The following DLC1 variants were observed in gnomAD, a reference collection of about 807,000 sequenced individuals.
The protein encoded by DLC1 is rho GTPase-activating protein 7.
DLC1 carries 54 observed loss-of-function variants against 140.3 expected under a neutral mutation model. That is an observed-to-expected ratio of 0.38 (90% CI 0.31 to 0.48). The LOEUF (loss-of-function observed/expected upper bound fraction) is 0.48. DLC1 is among the 20% of genes least tolerant of loss of function. The pLI is 0.96. For missense variants in DLC1, 2,536 were observed against 1,907.0 expected (o/e 1.33, Z -6.14); for synonymous variants, 986 against 728.1 (o/e 1.35, Z -5.70).
At chr8:13,325,430 C>A (rs543280620) in intron 4 of DLC1, among the ~76,000 whole-genome samples, 8 of 151,980 alleles carry the variant, frequency 5.3e-5, no homozygotes, top group African/African-American at 1.9e-4. Context: ...TAAACATGTT[C>A]TGGGACAATA....
chr8:13,200,737 T>G (rs897809009), intron 5 of DLC1, among the ~76,000 whole-genome samples: 2 of 152,006 alleles, frequency 1.3e-5, no homozygotes, highest in African/African-American at 4.8e-5. Flanking sequence ...CCTGAGTAGG[T>G]GGGACGACAG....
chr8:13,320,010 A>C (rs1833028348), intron 4 of DLC1, among the ~76,000 whole-genome samples: 1 of 151,598 alleles, frequency 6.6e-6, no homozygotes, highest in Non-Finnish European at 1.5e-5. Context: ...TTTTAATAGA[A>C]ATGGGGTTTC....
At chr8:13,168,823 T>G (rs1006417463) in intron 5 of DLC1, among the ~76,000 whole-genome samples, 7 of 152,222 alleles carry the variant, frequency 4.6e-5, no homozygotes, top group Admixed American at 1.3e-4. Flanking sequence ...TCTATCTGTG[T>G]TCCTAAAACG....
At chr8:13,181,512 G>A (rs1826035206) in intron 5 of DLC1, among the ~76,000 whole-genome samples, 1 of 142,274 alleles carries the variant, frequency 7.0e-6, no homozygotes, top group Non-Finnish European at 1.5e-5. Context: ...TCCGGTCCCG[G>A]TGTGTGATGT....
At chr8:13,583,471 C>A (rs1292413080) in intron 1 of DLC1, among the ~76,000 whole-genome samples, 7 of 152,152 alleles carry the variant, frequency 4.6e-5, no homozygotes, top group Non-Finnish European at 1.0e-4. Flanking sequence ...AATTCTAGTT[C>A]TCTTGCTATT....
At chr8:13,428,782 G>T (rs1423473518) in intron 2 of DLC1, among the ~76,000 whole-genome samples, 2 of 152,114 alleles carry the variant, frequency 1.3e-5, no homozygotes, top group Admixed American at 1.3e-4. Flanking sequence ...TGACTCCTTT[G>T]TGTTTTTCTC....
intron 4 of DLC1, among the ~76,000 whole-genome samples, chr8:13,335,680 A>G (rs566169607): frequency 6.6e-6 from 1 of 152,210 alleles, no homozygotes; most frequent in South Asian, 2.1e-4. Flanking sequence ...AGGATAATGT[A>G]TATTACATAT....
intron 7 of DLC1, among the ~76,000 whole-genome samples, chr8:13,110,021 GC>G (rs1170983015): frequency 1.3e-5 from 2 of 152,110 alleles, no homozygotes; most frequent in Admixed American, 6.5e-5. Flanking sequence ...CCAGAATTCA[GC>G]TTTTAGGGAT....
intron 5 of DLC1, among the ~76,000 whole-genome samples, chr8:13,300,394 G>A (rs898356084): frequency 2.6e-5 from 4 of 152,134 alleles, no homozygotes; most frequent in Admixed American, 6.5e-5. Flanking sequence ...GTTTACCTAC[G>A]TAACAAATTT....
At chr8:13,393,488 C>T in intron 4 of DLC1, 65 bp downstream of exon 4, 1 of 1,496,578 alleles carries the variant, frequency 6.7e-7, no homozygotes, top group South Asian at 1.3e-5. Flanking sequence ...GAATGAATAT[C>T]AACTCTTACC....
chr8:13,265,656 G>GT (rs1289590294), intron 5 of DLC1, among the ~76,000 whole-genome samples: 6 of 151,590 alleles, frequency 4.0e-5, no homozygotes, highest in Non-Finnish European at 5.9e-5. Flanking sequence ...TAGGCTGTGG[G>GT]TTTTTTTTCC....
chr8:13,586,934 C>G (rs1805340142), intron 1 of DLC1, among the ~76,000 whole-genome samples: 1 of 152,108 alleles, frequency 6.6e-6, no homozygotes, highest in South Asian at 2.1e-4. Flanking sequence ...CCACCTGCAT[C>G]AGGTGCCTCA....
intron 5 of DLC1, among the ~76,000 whole-genome samples, chr8:13,155,883 T>C (rs562588804): frequency 2.2e-4 from 34 of 152,208 alleles, no homozygotes; most frequent in African/African-American, 8.2e-4. Context: ...CTAACTAGTT[T>C]TTATTTTATA....
upstream of DLC1, chr8:13,515,679 T>C (rs1177402946): frequency 6.6e-6 from 1 of 152,218 alleles, no homozygotes; most frequent in East Asian, 1.9e-4. Context: ...TCTGCTTTCT[T>C]GTGCCTCCCT....
chr8:13,361,722 C>A (rs1835235944), intron 4 of DLC1, among the ~76,000 whole-genome samples: 1 of 152,144 alleles, frequency 6.6e-6, no homozygotes, highest in South Asian at 2.1e-4. Context: ...CAAGTTTTCC[C>A]TACCAAAATC....
chr8:13,506,973 C>T (rs774843119), intron 1 of DLC1, among the ~76,000 whole-genome samples: 2 of 152,012 alleles, frequency 1.3e-5, no homozygotes, highest in Non-Finnish European at 2.9e-5. Flanking sequence ...ACTTGTACAT[C>T]GTATGTGCCC....
chr8:13,533,912 C>T (rs1166623527), intron 1 of DLC1, among the ~76,000 whole-genome samples: 1 of 152,184 alleles, frequency 6.6e-6, no homozygotes, highest in Admixed American at 6.6e-5. Flanking sequence ...TCTCATTCCA[C>T]CGTGACTGTA....
chr8:13,292,660 C>T (rs140926468), intron 5 of DLC1, among the ~76,000 whole-genome samples: 1 of 152,160 alleles, frequency 6.6e-6, no homozygotes, highest in Non-Finnish European at 1.5e-5. Context: ...ATGCTCCCCA[C>T]GTCCTACGTA....
At chr8:13,469,494 C>T (rs866097304) in intron 2 of DLC1, among the ~76,000 whole-genome samples, 1 of 152,194 alleles carries the variant, frequency 6.6e-6, no homozygotes, top group Middle Eastern at 3.4e-3. Context: ...GTACCAGTTT[C>T]TACATTGTGG....
Sources: gnomAD v4.1 joint callset for allele counts (sites outside exome capture counted in the v4.1 genomes callset) on GRCh38, gnomAD v4.1.1 for gene constraint, MANE v1.5 for transcripts, NCBI Gene and HGNC (gene_info 2026-07-23, HGNC 2026-07-21) for gene names.